The following LRMDA variants were observed in gnomAD, a reference collection of about 807,000 sequenced individuals.
LRMDA encodes leucine rich melanocyte differentiation associated.
A neutral mutation model predicts 29.8 loss-of-function variants in LRMDA; 18 were observed. The observed-to-expected ratio is 0.60, with a 90% CI of 0.42 to 0.90. LRMDA has a LOEUF of 0.90. LRMDA is among the 40% of genes least tolerant of loss of function. The pLI is 0.00. For missense variants in LRMDA, 273 were observed against 273.9 expected (o/e 1.00, Z 0.02); for synonymous variants, 125 against 109.4 (o/e 1.14, Z -0.89).
intron 6 of LRMDA, among the ~76,000 whole-genome samples, chr10:76,367,980 A>G (rs1841411563): frequency 6.6e-6 from 1 of 151,424 alleles, no homozygotes; most frequent in Admixed American, 6.6e-5. Flanking sequence ...GGTTATTTGG[A>G]TCTTCTGTCT....
At chr10:76,544,253 C>T (rs949715513) in intron 6 of LRMDA, among the ~76,000 whole-genome samples, 3 of 152,088 alleles carry the variant, frequency 2.0e-5, no homozygotes, top group South Asian at 2.1e-4. Flanking sequence ...CTATTAGGTG[C>T]GAGGCTCACA....
intron 5 of LRMDA, among the ~76,000 whole-genome samples, chr10:76,073,291 G>T (rs1848903739): frequency 6.6e-6 from 1 of 152,082 alleles, no homozygotes; most frequent in South Asian, 2.1e-4. Context: ...CACATGTAGG[G>T]AATATGTGTG....
chr10:76,147,957 C>T (rs563462566), intron 5 of LRMDA, among the ~76,000 whole-genome samples: 1 of 152,178 alleles, frequency 6.6e-6, no homozygotes, highest in Non-Finnish European at 1.5e-5. Flanking sequence ...CCACTCTAGA[C>T]CCTGTTTGCC....
chr10:75,802,790 C>T (rs1411905620), intron 2 of LRMDA, among the ~76,000 whole-genome samples: 1 of 151,922 alleles, frequency 6.6e-6, no homozygotes, highest in East Asian at 1.9e-4. Context: ...CTTAAGGGTT[C>T]TCTATAAAGA....
chr10:75,589,871 G>GACTGGTCCTTAGAGTTACATACTGGTACA (rs1840701452), intron 2 of LRMDA, among the ~76,000 whole-genome samples: 1 of 151,624 alleles, frequency 6.6e-6, no homozygotes, highest in South Asian at 2.1e-4. Context: ...GTACTCTATG[G>GACTGGTCCTTAGAGTTACATACTGGTACA]GTATGTAACT....
At chr10:76,029,626 A>G (rs1396659171) in intron 2 of LRMDA, among the ~76,000 whole-genome samples, 1 of 152,222 alleles carries the variant, frequency 6.6e-6, no homozygotes, top group East Asian at 1.9e-4. Flanking sequence ...AAGTAACATT[A>G]ACTCCAAGGG....
chr10:76,483,737 A>AG (rs1030088685), intron 6 of LRMDA, among the ~76,000 whole-genome samples: 1 of 151,702 alleles, frequency 6.6e-6, no homozygotes, highest in Non-Finnish European at 1.5e-5. Context: ...AAAAAAAAAA[A>AG]AAGCAAATGT....
chr10:75,935,210 G>A (rs559186704), intron 2 of LRMDA, among the ~76,000 whole-genome samples: 2 of 152,236 alleles, frequency 1.3e-5, no homozygotes, highest in South Asian at 4.1e-4. Context: ...GAAAGAGAAG[G>A]GCAAGGGTGA....
At chr10:76,383,490 G>A (rs1379328502) in intron 6 of LRMDA, among the ~76,000 whole-genome samples, 5 of 141,986 alleles carry the variant, frequency 3.5e-5, no homozygotes, top group Admixed American at 7.2e-5. Flanking sequence ...GACTGCAGTG[G>A]CGCAATCTCG....
intron 2 of LRMDA, among the ~76,000 whole-genome samples, chr10:75,825,900 G>T (rs1219523214): frequency 6.6e-6 from 1 of 152,166 alleles, no homozygotes; most frequent in Non-Finnish European, 1.5e-5. Context: ...GGAAGTCAAA[G>T]GATGACAGCC....
intron 6 of LRMDA, among the ~76,000 whole-genome samples, chr10:76,340,514 T>G (rs1377694387): frequency 1.9e-4 from 1 of 5,286 alleles, no homozygotes; most frequent in Non-Finnish European, 5.8e-4. Context: ...AGAACCTGTA[T>G]CAAAAAAAAA....
At chr10:75,902,416 G>A (rs1408965021) in intron 2 of LRMDA, among the ~76,000 whole-genome samples, 2 of 152,072 alleles carry the variant, frequency 1.3e-5, no homozygotes, top group Non-Finnish European at 2.9e-5. Flanking sequence ...GGCCAGAGTG[G>A]GCCTTCTAAA....
At position 75,692,831 on chromosome 10, in the gene LRMDA, T is replaced by G. The variant is rs551528873; in HGVS notation, c.131+254337T>G. Among the ~76,000 whole-genome samples the G allele has an allele frequency of 2.0e-5, 3 of 152,246 alleles. No individual in the cohort carries two copies. The South Asian group carries it at 6.2e-4, about 32-fold the overall frequency. On this transcript the variant is annotated intron_variant, in intron 2 of 6. Transcript: ENST00000611255. ...GAGTACCACCAGAATGCCACGTGTG[T>G]GTGCAGTCAGCACAACCTTGCCTCT...
chr10:75,665,491 CAT>C (rs1564534597), intron 2 of LRMDA, among the ~76,000 whole-genome samples: 2 of 152,270 alleles, frequency 1.3e-5, no homozygotes, highest in South Asian at 2.1e-4. Flanking sequence ...ATGATAAGAA[CAT>C]GTGCACATGT....
intron 2 of LRMDA, among the ~76,000 whole-genome samples, chr10:76,032,710 G>C (rs966641882): frequency 1.3e-5 from 2 of 152,062 alleles, no homozygotes; most frequent in African/African-American, 4.8e-5. Flanking sequence ...GGAGTTCCAG[G>C]GGTGCTGATT....
chr10:76,074,182 T>C (rs1430219492), intron 5 of LRMDA, among the ~76,000 whole-genome samples: 1 of 152,244 alleles, frequency 6.6e-6, no homozygotes, highest in African/African-American at 2.4e-5. Flanking sequence ...GTGCAGTCTG[T>C]GTGATTTGGA....
intron 2 of LRMDA, among the ~76,000 whole-genome samples, chr10:75,750,917 G>A (rs867806472): frequency 1.3e-5 from 2 of 152,112 alleles, no homozygotes; most frequent in African/African-American, 2.4e-5. Flanking sequence ...ACGGGGTGGC[G>A]GCCGGGCAGA....
At chr10:76,409,450 C>A (rs1841935407) in intron 6 of LRMDA, among the ~76,000 whole-genome samples, 1 of 151,968 alleles carries the variant, frequency 6.6e-6, no homozygotes, top group Non-Finnish European at 1.5e-5. Flanking sequence ...ATTTTGTATT[C>A]TAAAAATGTT....
intron 2 of LRMDA, among the ~76,000 whole-genome samples, chr10:76,008,274 G>C (rs1271031939): frequency 6.6e-6 from 1 of 152,170 alleles, no homozygotes. Flanking sequence ...AAAGGAGCAG[G>C]CCTCCATGGA....
Sources: gnomAD v4.1 joint callset for allele counts (sites outside exome capture counted in the v4.1 genomes callset) on GRCh38, gnomAD v4.1.1 for gene constraint, MANE v1.5 for transcripts, NCBI Gene and HGNC (gene_info 2026-07-23, HGNC 2026-07-21) for gene names.